The following COMMD10 variants were observed in gnomAD, a reference collection of about 807,000 sequenced individuals.
The protein encoded by COMMD10 is COMM domain containing 10.
COMMD10 carries 33 observed loss-of-function variants against 28.9 expected under a neutral mutation model. The ratio of observed to expected loss-of-function variants is 1.14; its 90% confidence interval spans 0.87 to 1.53. COMMD10 has a LOEUF of 1.53. Ranked by LOEUF, COMMD10 falls within the 40% of genes most tolerant of loss-of-function variation. The probability of loss-of-function intolerance (pLI) is 0.00; values close to 1 mark genes in which losing one functional copy is unlikely to be tolerated. For missense variants in COMMD10, 310 were observed against 233.4 expected (o/e 1.33, Z -2.14); for synonymous variants, 110 against 81.7 (o/e 1.35, Z -1.87).
At chr5:116,154,731 C>T (rs1245717074) in intron 5 of COMMD10, among the ~76,000 whole-genome samples, 1 of 151,902 alleles carries the variant, frequency 6.6e-6, no homozygotes, top group Non-Finnish European at 1.5e-5. Context: ...ACAGAACTTA[C>T]TTTTCTTTTT....
chr5:116,277,106 T>C (rs1750937164), intron 5 of COMMD10, among the ~76,000 whole-genome samples: 1 of 151,838 alleles, frequency 6.6e-6, no homozygotes, highest in South Asian at 2.1e-4. Context: ...CACTAAGTTA[T>C]GAAAAAAACC....
At chr5:116,214,078 G>T (rs1749037770) in intron 5 of COMMD10, among the ~76,000 whole-genome samples, 1 of 152,046 alleles carries the variant, frequency 6.6e-6, no homozygotes, top group Admixed American at 6.6e-5. Context: ...GTTGATTATT[G>T]TGTTTGTGTA....
chr5:116,239,959 G>A (rs1749770967), intron 5 of COMMD10, among the ~76,000 whole-genome samples: 1 of 152,134 alleles, frequency 6.6e-6, no homozygotes, highest in African/African-American at 2.4e-5. Context: ...GGAGAGTAGA[G>A]TCCAGAATGG....
chr5:116,139,865 G>A (rs910617173), intron 5 of COMMD10, among the ~76,000 whole-genome samples: 51 of 151,576 alleles, frequency 3.4e-4, no homozygotes, highest in African/African-American at 1.1e-3. Context: ...CCCATCACCT[G>A]CCATTATTAC....
intron 4 of COMMD10, among the ~76,000 whole-genome samples, chr5:116,129,017 A>G (rs1445180987): frequency 6.6e-6 from 1 of 151,876 alleles, no homozygotes; most frequent in African/African-American, 2.4e-5. Context: ...CTTTTCTTTT[A>G]TAAATAAAGA....
intron 5 of COMMD10, among the ~76,000 whole-genome samples, chr5:116,241,600 T>TTATG (rs1749814325): frequency 6.7e-6 from 1 of 148,914 alleles, no homozygotes; most frequent in Non-Finnish European, 1.5e-5. Flanking sequence ...ATTTATTTAT[T>TTATG]TATTTATTTA....
intron 5 of COMMD10, among the ~76,000 whole-genome samples, chr5:116,189,149 A>G (rs1214192493): frequency 6.6e-6 from 1 of 152,178 alleles, no homozygotes; most frequent in Non-Finnish European, 1.5e-5. Context: ...TGTGACAGCT[A>G]GAGTTTGGGG....
intron 4 of COMMD10, among the ~76,000 whole-genome samples, chr5:116,108,095 TGAG>T (rs907281945): frequency 1.4e-4 from 21 of 152,318 alleles, no homozygotes; most frequent in African/African-American, 5.1e-4. Context: ...CTCTCCTGTA[TGAG>T]GTGTCTTTCG....
At chr5:116,128,878 A>G (rs1751754113) in intron 4 of COMMD10, among the ~76,000 whole-genome samples, 2 of 151,728 alleles carry the variant, frequency 1.3e-5, no homozygotes, top group Non-Finnish European at 2.9e-5. Context: ...TGGTTAGAAT[A>G]CTGTGTAAGT....
At chr5:116,275,137 T>C (rs375770762) in intron 5 of COMMD10, among the ~76,000 whole-genome samples, 2 of 151,958 alleles carry the variant, frequency 1.3e-5, no homozygotes, top group Admixed American at 6.6e-5. Flanking sequence ...TTGTGCTTCA[T>C]CTTTGATTCC....
At chr5:116,105,594 T>G (rs1750811183) in intron 4 of COMMD10, among the ~76,000 whole-genome samples, 2 of 152,300 alleles carry the variant, frequency 1.3e-5, no homozygotes, top group Middle Eastern at 3.4e-3. Flanking sequence ...GTCTGGGACT[T>G]TTTTTGGTTG....
rs987279037 is a variant in COMMD10 at position 116,201,794 on chromosome 5, T to C, written c.510+67616T>C. On this transcript the variant is annotated intron_variant, in intron 5 of 6. Transcript: ENST00000274458. ...AGTCTGTGAAACAAAGTAAGGTTTTTAATTTATCCAAAGTTACACACCCTG... is the reference window on the plus strand; with the variant it reads ...AGTCTGTGAAACAAAGTAAGGTTTTCAATTTATCCAAAGTTACACACCCTG... Among the ~76,000 whole-genome samples, 11 of 152,254 alleles carry C rather than the reference T, an allele frequency of 7.2e-5. No homozygotes were observed. In the East Asian group the frequency reaches 1.9e-3, roughly 27 times the overall value.
intron 5 of COMMD10, among the ~76,000 whole-genome samples, chr5:116,152,007 T>G (rs1047243039): frequency 1.3e-5 from 2 of 152,198 alleles, no homozygotes; most frequent in Non-Finnish European, 2.9e-5. Context: ...GCTATAAATT[T>G]CCCTCTACAC....
intron 5 of COMMD10, among the ~76,000 whole-genome samples, chr5:116,222,042 C>G (rs1244974844): frequency 2.0e-5 from 3 of 152,078 alleles, no homozygotes; most frequent in Non-Finnish European, 2.9e-5. Context: ...GCAGATAATA[C>G]TGATAAGTGT....
intron 5 of COMMD10, among the ~76,000 whole-genome samples, chr5:116,276,735 T>C (rs1485203805): frequency 6.6e-6 from 1 of 151,788 alleles, no homozygotes; most frequent in African/African-American, 2.4e-5. Context: ...AAAAATATTA[T>C]ATTAAATGAA....
intron 5 of COMMD10, among the ~76,000 whole-genome samples, chr5:116,238,997 A>G (rs1370158432): frequency 1.3e-5 from 2 of 152,118 alleles, no homozygotes; most frequent in East Asian, 1.9e-4. Context: ...TAGTAGCAGC[A>G]TGCTGCATCA....
chr5:116,221,468 C>T (rs1464840454), intron 5 of COMMD10, among the ~76,000 whole-genome samples: 3 of 152,122 alleles, frequency 2.0e-5, no homozygotes, highest in Non-Finnish European at 2.9e-5. Flanking sequence ...AATCTAAACA[C>T]CAGTCCCTTA....
chr5:116,171,761 A>G (rs1753343029), intron 5 of COMMD10, among the ~76,000 whole-genome samples: 1 of 152,020 alleles, frequency 6.6e-6, no homozygotes, highest in South Asian at 2.1e-4. Flanking sequence ...TCTCACTCAT[A>G]AGGGGGAGTT....
chr5:116,213,409 C>G (rs982011685), intron 5 of COMMD10, among the ~76,000 whole-genome samples: 2 of 152,084 alleles, frequency 1.3e-5, no homozygotes, highest in Non-Finnish European at 2.9e-5. Context: ...CCCTGGACCT[C>G]TGGGTCATGG....
Sources: gnomAD v4.1 joint callset for allele counts (sites outside exome capture counted in the v4.1 genomes callset) on GRCh38, gnomAD v4.1.1 for gene constraint, MANE v1.5 for transcripts, NCBI Gene and HGNC (gene_info 2026-07-23, HGNC 2026-07-21) for gene names.